Variants in BTBD1 observed in about 807,000 individuals in gnomAD.
BTBD1 encodes the protein BTB/POZ domain-containing protein 1.
A neutral mutation model predicts 48.0 loss-of-function variants in BTBD1; 34 were observed. The ratio of observed to expected loss-of-function variants is 0.71; its 90% CI spans 0.54 to 0.94. The LOEUF (loss-of-function observed/expected upper bound fraction) is 0.94. BTBD1 is among the 40% of genes least tolerant of loss of function. The pLI is 0.00. For synonymous variants in BTBD1, 261 were observed against 242.1 expected, an observed-to-expected ratio of 1.08 and a Z score of -0.72; for missense variants, 543 against 625.6, an observed-to-expected ratio of 0.87 and a Z score of 1.41.
At chr15:83,052,788 G>A (rs1210134636) in intron 2 of BTBD1, among the ~76,000 whole-genome samples, 2 of 132,886 alleles carry the variant, frequency 1.5e-5, no homozygotes, top group African/African-American at 5.6e-5. Flanking sequence ...CCACCACCTC[G>A]CCCGGCTAAT....
chr15:83,050,828 A>C (rs559189871), intron 2 of BTBD1, among the ~76,000 whole-genome samples: 1 of 152,324 alleles, frequency 6.6e-6, no homozygotes, highest in South Asian at 2.1e-4. Context: ...ATATTATACA[A>C]CAATGAGAAT....
rs543477471 is a variant in BTBD1 at position 83,019,210 on chromosome 15, C to T, written c.1144-357G>A. Among the ~76,000 whole-genome samples, 172 of 152,078 alleles carry T rather than the reference C, an allele frequency of 1.1e-3. 1 individual carries two copies. Among genetic ancestry groups the T allele is most frequent in the African/African-American group, 9.9e-4 (41 of 41,480 alleles). Reference sequence around the variant, plus strand: ...GAGTAGCTGGGATTACAGATGTGCGCGACCACACCTGGCTAATTTTTTTGT... The same window carrying T: ...GAGTAGCTGGGATTACAGATGTGCGTGACCACACCTGGCTAATTTTTTTGT... On this transcript the variant is annotated intron_variant, in intron 6 of 7. Coordinates refer to ENST00000261721, the MANE Select transcript of BTBD1 (RefSeq NM_025238.4).
chr15:83,055,274 T>C (rs1259401553), intron 2 of BTBD1, among the ~76,000 whole-genome samples: 1 of 150,084 alleles, frequency 6.7e-6, no homozygotes, highest in Non-Finnish European at 1.5e-5. Flanking sequence ...CTTTCTTTTT[T>C]TGAGACAGCG....
chr15:83,033,552 G>C (rs1342517717), intron 4 of BTBD1, among the ~76,000 whole-genome samples: 1 of 152,086 alleles, frequency 6.6e-6, no homozygotes, highest in Non-Finnish European at 1.5e-5. Context: ...CCTTTATATT[G>C]TGTAGAAAAT....
intron 5 of BTBD1, among the ~76,000 whole-genome samples, chr15:83,023,942 A>C (rs1248718399): frequency 1.3e-5 from 2 of 152,164 alleles, no homozygotes; most frequent in Non-Finnish European, 1.5e-5. Flanking sequence ...ATCTCGGCTC[A>C]TTGCAGCCTC....
intron 1 of BTBD1, among the ~76,000 whole-genome samples, chr15:83,058,730 CAG>C (rs2033128620): frequency 6.6e-6 from 1 of 152,016 alleles, no homozygotes; most frequent in Admixed American, 6.6e-5. Flanking sequence ...AGTTGTAAAA[CAG>C]AGCAGCAATG....
At chr15:83,063,539 C>T (rs1416029605) in intron 1 of BTBD1, among the ~76,000 whole-genome samples, 2 of 152,324 alleles carry the variant, frequency 1.3e-5, no homozygotes, top group East Asian at 3.9e-4. Flanking sequence ...TATCACCTTG[C>T]TGCCTATTTT....
intron 4 of BTBD1, among the ~76,000 whole-genome samples, chr15:83,034,843 C>A (rs1475440132): frequency 1.3e-5 from 2 of 152,018 alleles, no homozygotes; most frequent in Non-Finnish European, 2.9e-5. Flanking sequence ...AAAAGCAAAT[C>A]AATAGATAGA....
chr15:83,018,324 T>G, intron 7 of BTBD1, 99 bp from the exon 8 acceptor site: 1 of 1,013,384 alleles, frequency 9.9e-7, no homozygotes. Flanking sequence ...TATTTCACTA[T>G]CATTCCTATA....
chr15:83,034,853 A>G lies in BTBD1; in HGVS notation c.863-4525T>C, dbSNP rs57188342. Among the ~76,000 whole-genome samples, 1,519 of 152,328 alleles carry G rather than the reference A, an allele frequency of 1.0e-2. 23 individuals carry two copies. Among genetic ancestry groups the G allele is most frequent in the African/African-American group, 0.035 (1,450 of 41,564 alleles). ...GAACAAAAAGCAAATCAATAGATAGATACATAGAAAATTTGAAGATCATTA... is the reference window on the plus strand; with the variant it reads ...GAACAAAAAGCAAATCAATAGATAGGTACATAGAAAATTTGAAGATCATTA... On this transcript the variant is annotated intron_variant, in intron 4 of 7. Transcript: ENST00000261721.
In BTBD1 at chr15:83,044,408, T is replaced by C. The variant is rs2032833849; in HGVS notation, c.665-2483A>G. 13 of 1,568,912 alleles carry C rather than the reference T, an allele frequency of 8.3e-6. No individual in the cohort carries two copies. The East Asian group carries it at 2.7e-4, about 33-fold the overall frequency. On this transcript the variant is annotated intron_variant, in intron 3 of 7. Coordinates refer to ENST00000261721, the MANE Select transcript of BTBD1 (RefSeq NM_025238.4). ...CAGCTGGGAGGAAGATGGCGCCTGGTGGACAGCAAACGCTTTGATGAATAC... is the reference window on the plus strand; with the variant it reads ...CAGCTGGGAGGAAGATGGCGCCTGGCGGACAGCAAACGCTTTGATGAATAC...
chr15:83,032,644 A>C (rs924862762), intron 4 of BTBD1, among the ~76,000 whole-genome samples: 2 of 152,184 alleles, frequency 1.3e-5, no homozygotes, highest in Non-Finnish European at 2.9e-5. Context: ...ACCAAATACC[A>C]TATGGTCTTA....
chr15:83,019,345 G>A (rs938412465), intron 6 of BTBD1, among the ~76,000 whole-genome samples: 3 of 151,692 alleles, frequency 2.0e-5, no homozygotes, highest in Non-Finnish European at 2.9e-5. Flanking sequence ...GAGCCACTGC[G>A]CCCAGCCCTA....
intron 3 of BTBD1, among the ~76,000 whole-genome samples, chr15:83,045,888 G>A (rs1221039523): frequency 6.6e-6 from 1 of 151,608 alleles, no homozygotes; most frequent in African/African-American, 2.4e-5. Flanking sequence ...AAAAAAAAAA[G>A]CACATCATAC....
intron 3 of BTBD1, among the ~76,000 whole-genome samples, chr15:83,043,058 ACTCGAGC>A (rs2032799034): frequency 2.6e-5 from 4 of 152,102 alleles, no homozygotes; most frequent in African/African-American, 9.7e-5. Context: ...CAGCAGGATC[ACTCGAGC>A]CTGGGAGGTT....
chr15:83,060,883 G>T (rs2033165682), intron 1 of BTBD1, among the ~76,000 whole-genome samples: 1 of 152,184 alleles, frequency 6.6e-6, no homozygotes, highest in African/African-American at 2.4e-5. Context: ...ATATGTGTAA[G>T]AAACTTTGTA....
At chr15:83,066,232 C>T (rs747710345) in intron 1 of BTBD1, among the ~76,000 whole-genome samples, 1 of 151,876 alleles carries the variant, frequency 6.6e-6, no homozygotes, top group African/African-American at 2.4e-5. Flanking sequence ...CCGGAGAGGT[C>T]GAGGCTGCAG....
chr15:83,038,880 A>C (rs542842945), intron 4 of BTBD1, among the ~76,000 whole-genome samples: 3 of 152,198 alleles, frequency 2.0e-5, no homozygotes, highest in Non-Finnish European at 4.4e-5. Flanking sequence ...ATAAAAATTA[A>C]CTCAAGATGG....
chr15:83,027,919 A>C (rs1384731976), intron 5 of BTBD1, among the ~76,000 whole-genome samples: 2 of 152,240 alleles, frequency 1.3e-5, no homozygotes, highest in Admixed American at 1.3e-4. Context: ...TGTCCTGCCC[A>C]AAGTCTATGT....
Sources: gnomAD v4.1 joint callset for allele counts (sites outside exome capture counted in the v4.1 genomes callset) on GRCh38, gnomAD v4.1.1 for gene constraint, MANE v1.5 for transcripts, NCBI Gene and HGNC (gene_info 2026-07-23, HGNC 2026-07-21) for gene names.